MET: variants seen among roughly 807,000 people sequenced by gnomAD.
MET encodes hepatocyte growth factor receptor.
In MET, 48 loss-of-function variants were observed where a neutral mutation model predicts 133.1. The observed-to-expected ratio is 0.36, with a 90% CI of 0.29 to 0.46. MET has a LOEUF of 0.46. MET is among the 20% of genes least tolerant of loss of function. The pLI, the probability that MET is intolerant of heterozygous loss-of-function variation, is 1.00. For missense variants in MET, 1,442 were observed against 1,695.9 expected (o/e 0.85, Z 2.63); for synonymous variants, 628 against 616.5 (o/e 1.02, Z -0.28).
At chr7:116,716,474 A>AAAGAAAG (rs1792223701) in intron 2 of MET, among the ~76,000 whole-genome samples, 2 of 62,618 alleles carry the variant, frequency 3.2e-5, no homozygotes, top group African/African-American at 7.8e-5. Context: ...AAAGAGAAAG[A>AAAGAAAG]AAGAAAGAAA....
chr7:116,705,389 A>G (rs1447787530), intron 2 of MET, among the ~76,000 whole-genome samples: 1 of 152,174 alleles, frequency 6.6e-6, no homozygotes, highest in Admixed American at 6.5e-5. Flanking sequence ...TGTTACAAAT[A>G]ACATCCATGT....
At chr7:116,680,391 G>A (rs1189706970) in intron 1 of MET, among the ~76,000 whole-genome samples, 2 of 152,150 alleles carry the variant, frequency 1.3e-5, no homozygotes, top group African/African-American at 4.8e-5. Context: ...GAATGCCTGA[G>A]TATTTGAACA....
At chr7:116,705,923 G>A (rs1164771938) in intron 2 of MET, among the ~76,000 whole-genome samples, 1 of 151,918 alleles carries the variant, frequency 6.6e-6, no homozygotes, top group East Asian at 1.9e-4. Flanking sequence ...AGATCACTGG[G>A]CACACCCTTG....
Position 116,707,406 on chromosome 7 carries a change from C to T in MET, c.1200+7122C>T, listed in dbSNP as rs116276647. ...TAAAATGGTAGATGATACTTCAAAT[C>T]GTGCCCTAGATAAAAGGAGAGAATT... is the stretch of plus-strand genomic sequence containing the variant. On this transcript the variant is annotated intron_variant, in intron 2 of 20. Coordinates refer to ENST00000397752, the MANE Select transcript of MET (RefSeq NM_000245.4). Among the ~76,000 whole-genome samples the T allele has an allele frequency of 5.3e-4, 81 of 152,156 alleles. No homozygotes were observed. In the East Asian group the frequency reaches 0.014, roughly 27 times the overall value.
intron 2 of MET, among the ~76,000 whole-genome samples, chr7:116,713,159 G>T (rs567530345): frequency 6.6e-6 from 1 of 152,298 alleles, no homozygotes; most frequent in African/African-American, 2.4e-5. Context: ...ACTTTGGGAG[G>T]CCGAGGTGGG....
At chr7:116,788,630 T>A (rs1326051668) in intron 19 of MET, among the ~76,000 whole-genome samples, 1 of 152,242 alleles carries the variant, frequency 6.6e-6, no homozygotes, top group Non-Finnish European at 1.5e-5. Flanking sequence ...TTGTGCTACA[T>A]AAAGGCTGAA....
At chr7:116,770,004 C>A in intron 12 of MET, 1 of 643,802 alleles carries the variant, frequency 1.6e-6, no homozygotes, top group Non-Finnish European at 2.7e-6. Flanking sequence ...AAAGTTCTTT[C>A]TACCCACACT....
At chr7:116,712,552 A>T (rs1455337200) in intron 2 of MET, among the ~76,000 whole-genome samples, 1 of 152,230 alleles carries the variant, frequency 6.6e-6, no homozygotes, top group Non-Finnish European at 1.5e-5. Flanking sequence ...GATTCATAAA[A>T]ATAATTATTT....
chr7:116,716,454 G>T (rs948638373), intron 2 of MET, among the ~76,000 whole-genome samples: 2 of 121,830 alleles, frequency 1.6e-5, no homozygotes, highest in South Asian at 5.4e-4. Flanking sequence ...GAAAGAAAAA[G>T]AAAAGAAAGA....
chr7:116,763,179 G>C lies in MET; in HGVS notation c.2494G>C (p.Asp832His), dbSNP rs2116956089. Reference sequence around the variant, plus strand: ...AGATGGGATCCTTTCCAAATACTTTGATCTCATTTATGTACATAATCCTGT... The same window carrying C: ...AGATGGGATCCTTTCCAAATACTTTCATCTCATTTATGTACATAATCCTGT... ...MLDGILSKYF[D>H]LIYVHNPVFK... is the part of the protein sequence containing the mutation. Residue 832 changes from aspartate (D) to histidine (H), a missense_variant, in exon 11 of 21, where the codon GAT (aspartate) becomes CAT (histidine). Asp to His is a moderately conservative substitution (Grantham distance 81). Transcript: ENST00000397752. 1.9e-6 allele frequency: 3 copies of C among 1,613,950 alleles called. No homozygotes were observed. The highest frequency in any genetic ancestry group is 2.5e-6 in the Non-Finnish European group (3 of 1,179,960).
At chr7:116,673,186 A>G (rs747141434) in intron 1 of MET, among the ~76,000 whole-genome samples, 5 of 152,164 alleles carry the variant, frequency 3.3e-5, no homozygotes, top group African/African-American at 4.8e-5. Context: ...CTGACCCGAT[A>G]ATTAAAGCAC....
At position 116,703,535 on chromosome 7, in the gene MET, C is replaced by G. The variant is rs570805373; in HGVS notation, c.1200+3251C>G. On this transcript the variant is annotated intron_variant, in intron 2 of 20. Transcript: ENST00000397752. ...ATATGGATGGAACCTTTGTAAAGGCCCATATGTAGGGAGAAAAAACCCTCA... is the reference window on the plus strand; with the variant it reads ...ATATGGATGGAACCTTTGTAAAGGCGCATATGTAGGGAGAAAAAACCCTCA... Among the ~76,000 whole-genome samples, 5 of 151,870 alleles carry G rather than the reference C, an allele frequency of 3.3e-5. No individual in the cohort carries two copies. The South Asian group carries it at 1.0e-3, about 32-fold the overall frequency.
chr7:116,788,794 T>G (rs1163315198), intron 19 of MET, among the ~76,000 whole-genome samples: 1 of 152,214 alleles, frequency 6.6e-6, no homozygotes, highest in Admixed American at 6.5e-5. Flanking sequence ...TGTTGAAACC[T>G]GCGACCAAAA....
chr7:116,750,762 A>T (rs577555622), intron 5 of MET, among the ~76,000 whole-genome samples: 106 of 152,364 alleles, frequency 7.0e-4, no homozygotes, highest in African/African-American at 2.3e-3. Context: ...TGGGCCAAGG[A>T]TATAAACAGA....
rs1267937498 is a variant in MET, at chr7:116,716,468, AG to A, written c.1201-15199del. On this transcript the variant is annotated intron_variant, in intron 2 of 20. Transcript: ENST00000397752. ...AGAAAGAAAAAGAAAAGAAAGAAAG[AG>A]AAAGAAAGAAAGAAAGAAAGAAAGA... Among the ~76,000 whole-genome samples, 75 of 8,984 alleles carry A rather than the reference AG, an allele frequency of 8.3e-3. 1 individual carries two copies. Among genetic ancestry groups the A allele is most frequent in the African/African-American group, 0.038 (72 of 1,904 alleles). The allele number at this position is 8,984 out of a possible 152,430, so 5.9% of individuals were successfully genotyped here.
intron 5 of MET, among the ~76,000 whole-genome samples, chr7:116,745,870 G>T (rs1270764547): frequency 2.6e-5 from 4 of 152,162 alleles, no homozygotes; most frequent in Non-Finnish European, 4.4e-5. Flanking sequence ...ATAGGCGTGG[G>T]CAAGGACTTC....
chr7:116,761,443 A>T (rs566566006), intron 10 of MET, among the ~76,000 whole-genome samples: 6 of 152,304 alleles, frequency 3.9e-5, no homozygotes, highest in Non-Finnish European at 7.4e-5. Flanking sequence ...TAGAATTTAA[A>T]GCTGACCATG....
intron 16 of MET, among the ~76,000 whole-genome samples, chr7:116,778,069 T>C (rs1795047911): frequency 6.6e-6 from 1 of 152,222 alleles, no homozygotes; most frequent in South Asian, 2.1e-4. Context: ...TGAGAAAATC[T>C]TTTTAAGATG....
At chr7:116,714,410 T>G (rs1216027886) in intron 2 of MET, among the ~76,000 whole-genome samples, 2 of 152,240 alleles carry the variant, frequency 1.3e-5, no homozygotes, top group African/African-American at 4.8e-5. Context: ...TCTTTACTAA[T>G]CCAGCTTCCA....
Sources: gnomAD v4.1 joint callset for allele counts (sites outside exome capture counted in the v4.1 genomes callset) on GRCh38, gnomAD v4.1.1 for gene constraint, MANE v1.5 for transcripts, NCBI Gene and HGNC (gene_info 2026-07-23, HGNC 2026-07-21) for gene names.